NBEAL1: variants seen among roughly 807,000 people sequenced by gnomAD.
The protein encoded by NBEAL1 is neurobeachin like 1.
In NBEAL1, 273 loss-of-function variants were observed where a neutral mutation model predicts 351.3. That is an observed-to-expected ratio of 0.78 (90% CI 0.70 to 0.86). The LOEUF (loss-of-function observed/expected upper bound fraction) is 0.86, where lower values mean the gene tolerates loss of function less well. Among genes scored for constraint, NBEAL1 ranks in the 40% least tolerant of loss-of-function variants. The pLI is 0.00. For missense variants in NBEAL1, 2,961 were observed against 3,201.3 expected, an observed-to-expected ratio of 0.92 and a Z score of 1.81; for synonymous variants, 1,050 against 1,086.4, an observed-to-expected ratio of 0.97 and a Z score of 0.66.
chr2:203,086,105 G>C (rs916518167), intron 10 of NBEAL1: 6 of 152,210 alleles, frequency 3.9e-5, no homozygotes, highest in African/African-American at 1.4e-4. Flanking sequence ...GTTTGTAAGT[G>C]AATTTTGCAC....
intron 44 of NBEAL1, among the ~76,000 whole-genome samples, chr2:203,187,948 T>C (rs561685873): frequency 6.6e-6 from 1 of 152,326 alleles, no homozygotes; most frequent in Admixed American, 6.5e-5. Flanking sequence ...ATTTCCTCAC[T>C]GTCTTTCAAA....
At chr2:203,213,749 A>G in intron 55 of NBEAL1, 96 bp downstream of exon 55, 1 of 1,548,152 alleles carries the variant, frequency 6.5e-7, no homozygotes, top group Non-Finnish European at 8.7e-7. Context: ...CATTAGGGAT[A>G]AACAAATTAA....
At position 203,133,066 on chromosome 2, in the gene NBEAL1, A is replaced by G. The variant is rs191617653; in HGVS notation, c.3733A>G (p.Ile1245Val). 1.8e-5 allele frequency: 26 copies of G among 1,459,026 alleles called. No individual in the cohort carries two copies. In the African/African-American group the frequency reaches 2.0e-4, roughly 11 times the overall value. The allele number at this position is 1,459,026 out of a possible 1,614,324, so 90.4% of individuals were successfully genotyped here. A position where few individuals can be genotyped will look rare whatever the true frequency, so the allele number is the denominator to read the frequency against. The change falls in exon 27 of 56, where the codon ATT (isoleucine) becomes GTT (valine). Residue 1245 changes from isoleucine (I) to valine (V), a missense_variant. Transcript: ENST00000683969. ...THQIINTDPVINFKDLLSVVY... is the reference protein window; with the variant it reads ...THQIINTDPVVNFKDLLSVVY... ...TGTTTTTCCTACCATAGATCCTGTT[A>G]TTAATTTCAAAGATCTACTATCTGT...
intron 49 of NBEAL1, among the ~76,000 whole-genome samples, chr2:203,200,978 A>G (rs1425627518): frequency 6.6e-6 from 1 of 152,228 alleles, no homozygotes; most frequent in Non-Finnish European, 1.5e-5. Flanking sequence ...TTCTATATAC[A>G]CACTGAGTTG....
chr2:203,145,516 G>A (rs2106339295), intron 33 of NBEAL1, among the ~76,000 whole-genome samples: 1 of 152,272 alleles, frequency 6.6e-6, no homozygotes, highest in East Asian at 1.9e-4. Context: ...CTAGAGAAAT[G>A]GCCGGGCGAG....
At chr2:203,189,457 T>C (rs1026071868) in intron 45 of NBEAL1, among the ~76,000 whole-genome samples, 3 of 152,142 alleles carry the variant, frequency 2.0e-5, no homozygotes, top group African/African-American at 7.2e-5. Flanking sequence ...ATAATCATAG[T>C]TGAGTGCAAC....
rs139299908 is a variant in NBEAL1, at chr2:203,147,377, T to G, written c.5305-1614T>G. Among the ~76,000 whole-genome samples, 1,126 of 152,188 alleles carry G rather than the reference T, an allele frequency of 7.4e-3. 8 individuals carry two copies. Among genetic ancestry groups the G allele is most frequent in the African/African-American group, 0.026 (1,064 of 41,520 alleles). Reference sequence around the variant, plus strand: ...ATTTCTGTTCACTAGCAATGAGTAATGAATGGGAAACAGATTTTCTAAAAA... The same window carrying G: ...ATTTCTGTTCACTAGCAATGAGTAAGGAATGGGAAACAGATTTTCTAAAAA... On this transcript the variant is annotated intron_variant, in intron 33 of 55. Coordinates refer to ENST00000683969, the MANE Select transcript of NBEAL1 (RefSeq NM_001378026.1).
intron 18 of NBEAL1, among the ~76,000 whole-genome samples, chr2:203,118,831 C>T (rs999186414): frequency 1.8e-4 from 27 of 152,130 alleles, no homozygotes; most frequent in African/African-American, 6.3e-4. Context: ...TCAAGTGATC[C>T]GCCCGCCTTG....
At chr2:203,016,566 G>A (rs934521839) in intron 2 of NBEAL1, 131 bp downstream of exon 2, 22 of 514,884 alleles carry the variant, frequency 4.3e-5, no homozygotes, top group Non-Finnish European at 5.9e-5. Flanking sequence ...ACTTAAAAGC[G>A]TTTAAAGGAT....
intron 35 of NBEAL1, among the ~76,000 whole-genome samples, chr2:203,152,933 G>T (rs2063698191): frequency 6.6e-6 from 1 of 151,988 alleles, no homozygotes; most frequent in Non-Finnish European, 1.5e-5. Context: ...AGCTACTCCA[G>T]AGGCTGAAGC....
At chr2:203,190,749 C>G (rs2105777113) in intron 46 of NBEAL1, 1 of 1,607,506 alleles carries the variant, frequency 6.2e-7, no homozygotes, top group East Asian at 2.2e-5. Context: ...CGTCCCGAAT[C>G]CGGGTTCATC....
rs776210774 is a variant in NBEAL1 at position 203,139,599 on chromosome 2, C to CTCTG, written c.4848+853_4848+856dup. 8.1e-3 allele frequency among the ~76,000 whole-genome samples: 824 copies of CTCTG among 101,512 alleles called. 8 individuals carry two copies. The highest frequency in any genetic ancestry group is 0.012 in the Middle Eastern group (1 of 84). 66.6% of individuals were successfully genotyped at this position (101,512 alleles called of 152,430 possible). On this transcript the variant is annotated intron_variant, in intron 31 of 55. Transcript: ENST00000683969. ...TTTTTTTTTTTTTGAGACAGAGTGT[C>CTCTG]TCTGTGTCTTCCAGGCTGGAGTGCG...
intron 2 of NBEAL1, chr2:203,040,259 G>A (rs1021785950): frequency 1.3e-5 from 11 of 861,556 alleles, no homozygotes; most frequent in Admixed American, 1.9e-5. Flanking sequence ...AGGTTTAAGC[G>A]ACTGGAATCA....
At chr2:203,202,091 G>T (rs936404691) in intron 50 of NBEAL1, among the ~76,000 whole-genome samples, 9 of 152,082 alleles carry the variant, frequency 5.9e-5, no homozygotes, top group Non-Finnish European at 1.5e-5. Flanking sequence ...ATTGTTGAAT[G>T]TAGTTTTAAC....
Position 203,052,782 on chromosome 2 carries a change from C to T in NBEAL1, c.305+2807C>T, listed in dbSNP as rs546157706. Among the ~76,000 whole-genome samples the T allele has an allele frequency of 5.1e-4, 77 of 150,150 alleles. 1 individual carries two copies. Among genetic ancestry groups the T allele is most frequent in the Admixed American group, 2.4e-3 (36 of 15,006 alleles). On this transcript the variant is annotated intron_variant, in intron 4 of 55. Coordinates refer to ENST00000683969, the MANE Select transcript of NBEAL1 (RefSeq NM_001378026.1). ...TGTATTTTTTGTAGAGAAGGGGTTT[C>T]GCCATGTTGCTCAAGCTGGTCTCAA...
chr2:203,158,089 C>G (rs2106371825), intron 36 of NBEAL1, among the ~76,000 whole-genome samples: 1 of 152,142 alleles, frequency 6.6e-6, no homozygotes, highest in African/African-American at 2.4e-5. Context: ...TGAGATTCAG[C>G]TATACCTGTG....
At chr2:203,204,112 A>G (rs1395130144) in intron 51 of NBEAL1, among the ~76,000 whole-genome samples, 2 of 151,652 alleles carry the variant, frequency 1.3e-5, no homozygotes, top group African/African-American at 4.8e-5. Flanking sequence ...TATTTTTAGT[A>G]GAGACGGGGT....
chr2:203,143,036 A>C (rs979345579), intron 31 of NBEAL1, among the ~76,000 whole-genome samples: 1 of 152,212 alleles, frequency 6.6e-6, no homozygotes, highest in Non-Finnish European at 1.5e-5. Flanking sequence ...TTTTGGCACA[A>C]ATACATTCTT....
chr2:203,084,427 A>G, intron 9 of NBEAL1, 36 bp from the exon 10 acceptor site: 2 of 1,196,194 alleles, frequency 1.7e-6, no homozygotes, highest in Non-Finnish European at 2.3e-6. Context: ...CCAAATTTTC[A>G]TTTTTACATG....
Sources: gnomAD v4.1 joint callset for allele counts (sites outside exome capture counted in the v4.1 genomes callset) on GRCh38, gnomAD v4.1.1 for gene constraint, MANE v1.5 for transcripts, NCBI Gene and HGNC (gene_info 2026-07-23, HGNC 2026-07-21) for gene names.